The following TKTL1 variants were observed in gnomAD, a reference collection of about 807,000 sequenced individuals.
TKTL1 encodes transketolase like 1, also known as transketolase-like protein 1.
A neutral mutation model predicts 39.3 loss-of-function variants in TKTL1; 1 was observed. The observed-to-expected ratio is 0.03, with a 90% CI of 0.01 to 0.12. The LOEUF (loss-of-function observed/expected upper bound fraction) is 0.12, where lower values mean the gene tolerates loss of function less well. TKTL1 is among the 10% of genes least tolerant of loss of function. The pLI is 1.00. For synonymous variants in TKTL1, 262 were observed against 193.8 expected, an observed-to-expected ratio of 1.35 and a Z score of -2.92; for missense variants, 575 against 509.6, an observed-to-expected ratio of 1.13 and a Z score of -1.24.
intron 3 of TKTL1, 75 bp downstream of exon 3, chrX:154,309,517 C>T: frequency 5.6e-6 from 5 of 893,234 alleles, no homozygotes; most frequent in Non-Finnish European, 8.1e-6. Flanking sequence ...GGGGCAGCCA[C>T]CTATCTCCGT....
intron 7 of TKTL1, among the ~76,000 whole-genome samples, chrX:154,319,943 G>T (rs1391677723): frequency 8.9e-6 from 1 of 111,877 alleles, no homozygotes; most frequent in African/African-American, 3.3e-5. Flanking sequence ...GGGAAGGGGG[G>T]TAAGGAATGG....
At position 154,305,286 on chromosome X, in the gene TKTL1, G is replaced by C. The variant is rs781868118; in HGVS notation, c.135-18G>C. ...CCAGTTGCTGTGAGAAATGACCAGTGTCATGTCTGTCTTTCAGCCACCCTA... is the reference window on the plus strand; with the variant it reads ...CCAGTTGCTGTGAGAAATGACCAGTCTCATGTCTGTCTTTCAGCCACCCTA... On this transcript the variant is annotated intron_variant, in intron 1 of 12. Transcript: ENST00000369915. The C allele has an allele frequency of 4.2e-6, 5 of 1,200,168 alleles. No homozygotes were observed. Among genetic ancestry groups the C allele is most frequent in the African/African-American group, 1.8e-5 (1 of 56,850 alleles).
intron 1 of TKTL1, among the ~76,000 whole-genome samples, chrX:154,304,628 G>A (rs1009827518): frequency 5.5e-5 from 6 of 108,271 alleles, no homozygotes; most frequent in African/African-American, 1.3e-4. Flanking sequence ...ATGGGGGAGG[G>A]ACAGTCCCCA....
chrX:154,297,252 G>T (rs782669797), intron 1 of TKTL1, among the ~76,000 whole-genome samples: 6 of 105,784 alleles, frequency 5.7e-5, no homozygotes, highest in Admixed American at 4.1e-4. Context: ...GGTTTTTTTT[G>T]TTTTTTTTTT....
At position 154,316,877 on chromosome X, in the gene TKTL1, C is replaced by T. The variant is rs141001669; in HGVS notation, c.1029+1540C>T. ...CTCTGCCTCCCAGGTTCAAGCGATT[C>T]CCTTGCCTCAGCCTCGCAGGTAGCT... On this transcript the variant is annotated intron_variant, in intron 7 of 12. Transcript: ENST00000369915. Among the ~76,000 whole-genome samples, 456 of 108,600 alleles carry T rather than the reference C, an allele frequency of 4.2e-3. 5 individuals carry two copies. Among genetic ancestry groups the T allele is most frequent in the African/African-American group, 0.015 (436 of 29,816 alleles). 94.3% of individuals were successfully genotyped at this position (108,600 alleles called of 115,157 possible).
At position 154,320,865 on chromosome X, in the gene TKTL1, G is replaced by T. The variant is rs201452569; in HGVS notation, c.1138G>T (p.Ala380Ser). The change falls in exon 8 of 13, where the codon GCT (alanine) becomes TCT (serine). Residue 380 changes from alanine (A) to serine (S), a missense_variant. Coordinates refer to ENST00000369915, the MANE Select transcript of TKTL1 (RefSeq NM_012253.4). ...AFDHIRIGGL[A>S]ESNINIIGSH... ...TGATCACATCCGGATAGGAGGCCTC[G>T]CTGAGAGCAACATCAACATTATTGG... The T allele has an allele frequency of 2.5e-6, 3 of 1,209,461 alleles. No homozygotes were observed. Among genetic ancestry groups the T allele is most frequent in the Admixed American group, 4.4e-5 (2 of 45,749 alleles).
In TKTL1 at chrX:154,319,761, G is replaced by T. The variant is rs180914924; in HGVS notation, c.1030-996G>T. On this transcript the variant is annotated intron_variant, in intron 7 of 12. Coordinates refer to ENST00000369915, the MANE Select transcript of TKTL1 (RefSeq NM_012253.4). ...CTAAAAAAAAAAAAAAAGACCATGAGGGGAGCACAGACCCTCCTTTTGGCA... is the reference window on the plus strand; with the variant it reads ...CTAAAAAAAAAAAAAAAGACCATGATGGGAGCACAGACCCTCCTTTTGGCA... 2.0e-3 allele frequency among the ~76,000 whole-genome samples: 215 copies of T among 109,725 alleles called. 7 individuals carry two copies. Among genetic ancestry groups the T allele is most frequent in the Admixed American group, 0.017 (176 of 10,314 alleles).
At chrX:154,312,427 T>C (rs2067365513) in intron 5 of TKTL1, among the ~76,000 whole-genome samples, 153 bp from the exon 6 acceptor site, 1 of 112,572 alleles carries the variant, frequency 8.9e-6, no homozygotes, top group African/African-American at 3.2e-5. Context: ...CTGTTCTCTC[T>C]GGCTGCAGCA....
rs781991616 is a variant in TKTL1, at chrX:154,315,439, G to C, written c.1029+102G>C. ...TTTCTTTCCATTTATGAAAGCAAAA[G>C]GACTGGAAAAAAATTTCCTGGGAAG... On this transcript the variant is annotated intron_variant, in intron 7 of 12. Transcript: ENST00000369915. 167 of 935,288 alleles carry C rather than the reference G, an allele frequency of 1.8e-4. 1 individual carries two copies. The African/African-American group carries it at 3.1e-3, about 17-fold the overall frequency. The allele number at this position is 935,288 out of a possible 1,213,427, so 77.1% of individuals were successfully genotyped here.
At chrX:154,323,834 A>G (rs1360250189) in intron 9 of TKTL1, among the ~76,000 whole-genome samples, 1 of 112,620 alleles carries the variant, frequency 8.9e-6, no homozygotes, top group Non-Finnish European at 1.9e-5. Context: ...TAGGGCGCCA[A>G]GAGTGTGTGG....
intron 6 of TKTL1, among the ~76,000 whole-genome samples, chrX:154,312,987 G>A (rs1438087322): frequency 1.8e-5 from 2 of 111,883 alleles, no homozygotes; most frequent in Admixed American, 9.5e-5. Flanking sequence ...GCTGTGTCAC[G>A]TGGATAGATA....
At chrX:154,296,040 G>C (rs782302538) in intron 1 of TKTL1, 47 bp downstream of exon 1, 2 of 1,190,190 alleles carry the variant, frequency 1.7e-6, no homozygotes, top group Admixed American at 2.2e-5. Flanking sequence ...CCACGGGCCC[G>C]GTGGCTTCAG....
At chrX:154,310,772 G>C in intron 3 of TKTL1, 64 bp from the exon 4 acceptor site, 1 of 989,380 alleles carries the variant, frequency 1.0e-6, no homozygotes, top group Non-Finnish European at 1.4e-6. Flanking sequence ...CTCCTGAAAT[G>C]CATTTGTTTG....
At chrX:154,325,234 G>A in intron 9 of TKTL1, 105 bp from the exon 10 acceptor site, 2 of 777,537 alleles carry the variant, frequency 2.6e-6, no homozygotes, top group East Asian at 6.4e-5. Context: ...TGTGTTTTTA[G>A]TAGAAAGAGC....
In TKTL1 at chrX:154,314,302, ACTTT is replaced by A. The variant is rs782149103; in HGVS notation, c.865-866_865-863del. The stretch of plus-strand genomic sequence containing the variant: ...CTAGCCTAAAGAAAACTGCAGAGCA[ACTTT>A]CTTTATGAATACCAATATAAAAATT... On this transcript the variant is annotated intron_variant, in intron 6 of 12. Transcript: ENST00000369915. 8.9e-5 allele frequency among the ~76,000 whole-genome samples: 10 copies of A among 112,074 alleles called. 1 individual carries two copies. The South Asian group carries it at 1.8e-3, about 21-fold the overall frequency.
chrX:154,309,072 C>A (rs1468856401), intron 2 of TKTL1, among the ~76,000 whole-genome samples: 2 of 111,319 alleles, frequency 1.8e-5, no homozygotes, highest in East Asian at 5.7e-4. Flanking sequence ...ACTCCCTGGG[C>A]AGGGACAGTG....
chrX:154,311,254 C>G lies in TKTL1; in HGVS notation c.670+16C>G. 8.3e-7 allele frequency: 1 copy of G among 1,210,412 alleles called. No homozygotes were observed. The highest frequency in any genetic ancestry group is 1.1e-6 in the Non-Finnish European group (1 of 894,330). ...GGCACCCCAAGTAAGCAAGCACTTT[C>G]CTCCTGCTCCTGGTTGTTAAAAGCA... On this transcript the variant is annotated intron_variant, in intron 5 of 12. Coordinates refer to ENST00000369915, the MANE Select transcript of TKTL1 (RefSeq NM_012253.4).
At position 154,310,830 on chromosome X, in the gene TKTL1, C is replaced by T. The variant is rs2067351086; in HGVS notation, c.351-6C>T. 2 of 1,207,270 alleles carry T rather than the reference C, an allele frequency of 1.7e-6. No homozygotes were observed. Among genetic ancestry groups the T allele is most frequent in the East Asian group, 5.9e-5 (2 of 33,833 alleles). ...AGGGTCCTAAACCTCTCTTGTCTTG[C>T]TCCAGCTACCGGGTGTTCTGCCTCA... is the stretch of plus-strand genomic sequence containing the variant. On this transcript the variant is annotated splice_polypyrimidine_tract_variant and splice_region_variant and intron_variant, in intron 3 of 12. Coordinates refer to ENST00000369915, the MANE Select transcript of TKTL1 (RefSeq NM_012253.4).
intron 1 of TKTL1, among the ~76,000 whole-genome samples, chrX:154,298,765 C>T (rs1338383185): frequency 9.8e-5 from 11 of 111,755 alleles, no homozygotes; most frequent in African/African-American, 3.6e-4. Flanking sequence ...GTGCTTTGAT[C>T]TTTTTTATTT....
Sources: gnomAD v4.1 joint callset for allele counts (sites outside exome capture counted in the v4.1 genomes callset) on GRCh38, gnomAD v4.1.1 for gene constraint, MANE v1.5 for transcripts, NCBI Gene and HGNC (gene_info 2026-07-23, HGNC 2026-07-21) for gene names.